Variants in SLC12A8 observed in about 807,000 individuals in gnomAD.
SLC12A8 encodes the protein solute carrier family 12 member 8.
Under a neutral mutation model 75.6 loss-of-function variants are expected in SLC12A8, and 69 were observed. The ratio of observed to expected loss-of-function variants is 0.91; its 90% CI spans 0.75 to 1.11. The LOEUF is 1.11. Among genes scored for constraint, SLC12A8 ranks in the 50% most tolerant of loss-of-function variants. The probability of loss-of-function intolerance (pLI) is 0.00; values close to 1 mark genes in which losing one functional copy is unlikely to be tolerated. For synonymous variants in SLC12A8, 365 were observed against 372.8 expected, an observed-to-expected ratio of 0.98 and a Z score of 0.24; for missense variants, 877 against 896.7, an observed-to-expected ratio of 0.98 and a Z score of 0.28.
intron 5 of SLC12A8, among the ~76,000 whole-genome samples, chr3:125,166,463 A>G (rs1442618727): frequency 6.6e-6 from 1 of 152,144 alleles, no homozygotes; most frequent in Non-Finnish European, 1.5e-5. Flanking sequence ...TTTCTAAAAT[A>G]TGAACTTGAG....
In SLC12A8 at chr3:125,083,804, G is replaced by A; in HGVS notation, c.*86C>T. 1 of 1,335,872 alleles carries A rather than the reference G, an allele frequency of 7.5e-7. No individual in the cohort carries two copies. Among genetic ancestry groups the A allele is most frequent in the East Asian group, 2.5e-5 (1 of 39,616 alleles). The allele number at this position is 1,335,872 out of a possible 1,614,324, so 82.8% of individuals were successfully genotyped here. On this transcript the variant is annotated 3_prime_UTR_variant, in exon 14 of 14. Coordinates refer to ENST00000469902, the MANE Select transcript of SLC12A8 (RefSeq NM_024628.6). ...GGAGGATGGGTCTTGAGTTTCTCAG[G>A]TTGGAGAAGCAGCTCCACGAAGGTC...
Position 125,208,822 on chromosome 3 carries a change from A to C in SLC12A8, c.51+2477T>G, listed in dbSNP as rs35830568. Among the ~76,000 whole-genome samples, 13 of 143,368 alleles carry C rather than the reference A, an allele frequency of 9.1e-5. No individual in the cohort carries two copies. In the East Asian group the frequency reaches 3.0e-3, roughly 33 times the overall value. 94.1% of individuals were successfully genotyped at this position (143,368 alleles called of 152,430 possible). A position where few individuals can be genotyped will look rare whatever the true frequency, so the allele number is the denominator to read the frequency against. ...GAGAGAGAGAGAGAGAGAGAGAGAG[A>C]GAGCTACCCTATCTGGTCCTAAAAT... On this transcript the variant is annotated intron_variant, in intron 2 of 13. Transcript: ENST00000469902.
At chr3:125,210,516 T>C (rs1486647576) in intron 2 of SLC12A8, among the ~76,000 whole-genome samples, 3 of 152,192 alleles carry the variant, frequency 2.0e-5, no homozygotes, top group Non-Finnish European at 4.4e-5. Context: ...CAGAATGTCT[T>C]ATTTGTCTCT....
chr3:125,106,880 T>C (rs1307531048), intron 10 of SLC12A8, among the ~76,000 whole-genome samples: 1 of 152,210 alleles, frequency 6.6e-6, no homozygotes, highest in Non-Finnish European at 1.5e-5. Flanking sequence ...AAAATGCTAA[T>C]ATATGTTATA....
At chr3:125,200,320 G>GC (rs2107801900) in intron 2 of SLC12A8, among the ~76,000 whole-genome samples, 1 of 152,204 alleles carries the variant, frequency 6.6e-6, no homozygotes, top group Admixed American at 6.5e-5. Flanking sequence ...ATGGTGGTGT[G>GC]CCCTTGTGGT....
In SLC12A8 at chr3:125,135,704, A is replaced by C; in HGVS notation, c.701T>G (p.Phe234Cys). 6.2e-7 allele frequency: 1 copy of C among 1,608,356 alleles called. No homozygotes were observed. The highest frequency in any genetic ancestry group is 8.5e-7 in the Non-Finnish European group (1 of 1,176,464). The change falls in exon 6 of 14, where the codon TTC becomes TGC. Residue 234 changes from phenylalanine to cysteine, a missense_variant. By Grantham distance (205) the Phe-to-Cys change is radical. Transcript: ENST00000469902. ...TGGGAAGAAAACCCCAAAGACAGTGAAAAAAGATTCCCCCGGGCTGTAATC... is the reference window on the plus strand; with the variant it reads ...TGGGAAGAAAACCCCAAAGACAGTGCAAAAAGATTCCCCCGGGCTGTAATC... Reference protein sequence around the residue: ...LPDYSPGESFFTVFGVFFPAA... With the variant: ...LPDYSPGESFCTVFGVFFPAA...
intron 3 of SLC12A8, among the ~76,000 whole-genome samples, 197 bp downstream of exon 3, chr3:125,190,167 GAGGTTTCCATT>G (rs1934880613): frequency 6.6e-6 from 1 of 152,204 alleles, no homozygotes. Flanking sequence ...TCTATGGTGT[GAGGTTTCCATT>G]AGAAATTCGG....
chr3:125,124,228 C>A (rs1263224308), intron 6 of SLC12A8, among the ~76,000 whole-genome samples: 1 of 152,212 alleles, frequency 6.6e-6, no homozygotes, highest in Non-Finnish European at 1.5e-5. Flanking sequence ...GAGATGCAGG[C>A]AACTCGGACT....
intron 7 of SLC12A8, 87 bp from the exon 8 acceptor site, chr3:125,118,943 A>G: frequency 1.1e-6 from 1 of 887,382 alleles, no homozygotes; most frequent in Non-Finnish European, 1.8e-6. Flanking sequence ...TCTGTTTCCA[A>G]AGGGAACTTG....
At chr3:125,207,426 C>A (rs557005422) in intron 2 of SLC12A8, among the ~76,000 whole-genome samples, 1 of 152,274 alleles carries the variant, frequency 6.6e-6, no homozygotes, top group East Asian at 1.9e-4. Context: ...AAGACAAAAG[C>A]CTCAGGCTAG....
At chr3:125,100,506 C>G (rs2107737248) in intron 10 of SLC12A8, among the ~76,000 whole-genome samples, 1 of 151,808 alleles carries the variant, frequency 6.6e-6, no homozygotes, top group African/African-American at 2.4e-5. Flanking sequence ...CTCCCAGGTT[C>G]AAGTGATTCT....
At chr3:125,177,499 T>TA (rs1276991724) in intron 5 of SLC12A8, among the ~76,000 whole-genome samples, 4 of 151,618 alleles carry the variant, frequency 2.6e-5, no homozygotes, top group African/African-American at 4.8e-5. Context: ...AAATATACAT[T>TA]AAAAAAAGAA....
intron 3 of SLC12A8, among the ~76,000 whole-genome samples, chr3:125,188,892 C>G (rs557535199): frequency 6.6e-6 from 1 of 152,334 alleles, no homozygotes; most frequent in African/African-American, 2.4e-5. Flanking sequence ...AGAATGAGAG[C>G]TTAGGAAGGT....
At position 125,164,977 on chromosome 3, in the gene SLC12A8, C is replaced by T. The variant is rs1171830502; in HGVS notation, c.622+12766G>A. On this transcript the variant is annotated intron_variant, in intron 5 of 13. Transcript: ENST00000469902. ...GTGAGGCTGGGGCCCCCACTTAAAC[C>T]GCTCATCAGCTATTCTGAGACTTTC... 3.9e-5 allele frequency among the ~76,000 whole-genome samples: 6 copies of T among 152,348 alleles called. No homozygotes were observed. In the East Asian group the frequency reaches 7.7e-4, roughly 20 times the overall value.
At chr3:125,211,254 T>C in intron 2 of SLC12A8, 45 bp downstream of exon 2, 1 of 1,542,008 alleles carries the variant, frequency 6.5e-7, no homozygotes, top group Non-Finnish European at 9.0e-7. Flanking sequence ...GGGATCCCCG[T>C]GCTCACAGGC....
At chr3:125,175,115 A>G (rs1274248622) in intron 5 of SLC12A8, among the ~76,000 whole-genome samples, 1 of 152,248 alleles carries the variant, frequency 6.6e-6, no homozygotes, top group Non-Finnish European at 1.5e-5. Context: ...CTGCTCTAAA[A>G]GTGAATTAAT....
chr3:125,126,222 A>G (rs576678539), intron 6 of SLC12A8, among the ~76,000 whole-genome samples: 6 of 152,312 alleles, frequency 3.9e-5, no homozygotes, highest in Non-Finnish European at 7.4e-5. Flanking sequence ...GGTGTCAGCC[A>G]TCACTTGACC....
At chr3:125,209,359 T>A (rs1935292231) in intron 2 of SLC12A8, among the ~76,000 whole-genome samples, 1 of 152,186 alleles carries the variant, frequency 6.6e-6, no homozygotes, top group African/African-American at 2.4e-5. Flanking sequence ...AATGTTGTAG[T>A]GGAGATAAAT....
intron 3 of SLC12A8, among the ~76,000 whole-genome samples, chr3:125,188,113 G>A (rs1183847268): frequency 6.6e-6 from 1 of 152,148 alleles, no homozygotes; most frequent in African/African-American, 2.4e-5. Context: ...CATGGGGGTG[G>A]ACCCCTCGTG....
Sources: allele counts gnomAD v4.1 joint callset (sites outside exome capture counted in the v4.1 genomes callset), GRCh38; gene constraint gnomAD v4.1.1; transcripts MANE v1.5; gene names NCBI Gene and HGNC (gene_info 2026-07-23, HGNC 2026-07-21).